NIPBL: variants seen among roughly 807,000 people sequenced by gnomAD.
The protein encoded by NIPBL is nipped-B-like protein.
In NIPBL, 19 loss-of-function variants were observed where a neutral mutation model predicts 321.8. The ratio of observed to expected loss-of-function variants is 0.06; its 90% confidence interval spans 0.04 to 0.09. The LOEUF (loss-of-function observed/expected upper bound fraction) is 0.09, where lower values mean the gene tolerates loss of function less well. Ranked by LOEUF, NIPBL falls within the 10% of genes least tolerant of loss-of-function variation. NIPBL has a pLI of 1.00. For missense variants in NIPBL, 2,210 were observed against 3,327.0 expected, an observed-to-expected ratio of 0.66 and a Z score of 8.26; for synonymous variants, 1,106 against 1,114.1, an observed-to-expected ratio of 0.99 and a Z score of 0.14.
At chr5:36,903,702 G>T (rs1180925133) in intron 1 of NIPBL, among the ~76,000 whole-genome samples, 1 of 152,112 alleles carries the variant, frequency 6.6e-6, no homozygotes, top group African/African-American at 2.4e-5. Flanking sequence ...TGTCTTCTCT[G>T]AATTACTGTC....
chr5:37,052,588 T>C, intron 42 of NIPBL, 22 bp downstream of exon 42: 1 of 1,586,504 alleles, frequency 6.3e-7, no homozygotes, highest in Non-Finnish European at 8.7e-7. Context: ...AACTTATTAT[T>C]TTAAGAAAAT....
chr5:36,957,634 CCTCT>C (rs1741114598), intron 3 of NIPBL, among the ~76,000 whole-genome samples: 1 of 151,880 alleles, frequency 6.6e-6, no homozygotes, highest in African/African-American at 2.4e-5. Context: ...TAGAAGAATC[CCTCT>C]CTGTTATTTT....
intron 2 of NIPBL, chr5:36,955,153 A>C (rs537533063): frequency 3.4e-6 from 1 of 291,832 alleles, no homozygotes; most frequent in Non-Finnish European, 6.6e-6. Context: ...GAGATTAATG[A>C]ATTGCTACAT....
At chr5:36,995,546 T>A (rs1330625420) in intron 10 of NIPBL, 76 bp from the exon 11 acceptor site, 5 of 927,292 alleles carry the variant, frequency 5.4e-6, no homozygotes, top group Non-Finnish European at 8.5e-6. Flanking sequence ...AATATTTTTA[T>A]TATGCTAACT....
intron 34 of NIPBL, among the ~76,000 whole-genome samples, chr5:37,043,668 A>T (rs931842123): frequency 5.9e-5 from 9 of 152,202 alleles, no homozygotes; most frequent in African/African-American, 2.2e-4. Context: ...ACTGCACTCC[A>T]ACCTGGGCAA....
intron 36 of NIPBL, among the ~76,000 whole-genome samples, 184 bp downstream of exon 36, chr5:37,044,913 A>T (rs1752817324): frequency 6.6e-6 from 1 of 152,234 alleles, no homozygotes; most frequent in Admixed American, 6.5e-5. Context: ...CACTGTGATT[A>T]CTTCAGAAAT....
chr5:37,037,175 C>A (rs1751788894), intron 33 of NIPBL, among the ~76,000 whole-genome samples: 1 of 151,340 alleles, frequency 6.6e-6, no homozygotes, highest in Non-Finnish European at 1.5e-5. Context: ...ATCATGAGGT[C>A]AGGAGATTGA....
chr5:36,921,228 A>G (rs1580234498), intron 1 of NIPBL, among the ~76,000 whole-genome samples: 1 of 152,072 alleles, frequency 6.6e-6, no homozygotes. Flanking sequence ...AAAATTACTG[A>G]TATTTCCATG....
At chr5:36,927,882 C>T (rs1258586054) in intron 1 of NIPBL, among the ~76,000 whole-genome samples, 2 of 152,018 alleles carry the variant, frequency 1.3e-5, no homozygotes, top group Non-Finnish European at 2.9e-5. Flanking sequence ...AGACGGGTTT[C>T]GCCATGTTGG....
At chr5:36,954,478 G>A (rs1198953704) in intron 2 of NIPBL, among the ~76,000 whole-genome samples, 2 of 152,176 alleles carry the variant, frequency 1.3e-5, no homozygotes, top group Non-Finnish European at 2.9e-5. Flanking sequence ...GGAGAGTGCT[G>A]TAGGTGATTG....
chr5:36,974,838 G>A (rs1743264926), intron 8 of NIPBL, among the ~76,000 whole-genome samples: 1 of 151,974 alleles, frequency 6.6e-6, no homozygotes, highest in Non-Finnish European at 1.5e-5. Context: ...CTTTTATCTT[G>A]ACCAATTTTT....
intron 38 of NIPBL, among the ~76,000 whole-genome samples, chr5:37,048,153 A>G (rs1753167315): frequency 6.6e-6 from 1 of 152,178 alleles, no homozygotes; most frequent in Non-Finnish European, 1.5e-5. Context: ...CAGAGAGATT[A>G]TGTGACTCAC....
chr5:36,990,944 C>G (rs371167694), intron 10 of NIPBL, among the ~76,000 whole-genome samples: 2 of 151,692 alleles, frequency 1.3e-5, no homozygotes, highest in African/African-American at 4.8e-5. Flanking sequence ...GACCCTGTGC[C>G]TATTTATGAA....
intron 9 of NIPBL, among the ~76,000 whole-genome samples, chr5:36,981,583 A>G (rs941143585): frequency 6.6e-6 from 1 of 151,706 alleles, no homozygotes; most frequent in East Asian, 1.9e-4. Context: ...AATTACATAA[A>G]TTAATTTTAA....
At position 37,065,746 on chromosome 5, in the gene NIPBL, A is replaced by G. The variant is rs1755301155; in HGVS notation, c.*854A>G. 6.6e-6 allele frequency: 1 copy of G among 152,618 alleles called. No homozygotes were observed. The highest frequency in any genetic ancestry group is 1.5e-5 in the Non-Finnish European group (1 of 68,016). 9.5% of individuals were successfully genotyped at this position (152,618 alleles called of 1,614,324 possible). On this transcript the variant is annotated 3_prime_UTR_variant, in exon 47 of 47. Coordinates refer to ENST00000282516, the MANE Select transcript of NIPBL (RefSeq NM_133433.4). ...TTGTATCCTGCAATATTTAGTATTA[A>G]CTATATATGATTTAGCACTGTGCCA...
chr5:37,013,845 G>T (rs1453186646), intron 21 of NIPBL, among the ~76,000 whole-genome samples: 1 of 152,236 alleles, frequency 6.6e-6, no homozygotes, highest in East Asian at 1.9e-4. Context: ...ACTTTGAGAG[G>T]CCAAGGCAGG....
chr5:36,921,959 T>C (rs899966503), intron 1 of NIPBL, among the ~76,000 whole-genome samples: 2 of 151,632 alleles, frequency 1.3e-5, no homozygotes, highest in Admixed American at 1.3e-4. Flanking sequence ...TGATCTCAGC[T>C]CACTGCAACC....
Position 37,007,988 on chromosome 5 carries a change from T to C in NIPBL, c.4240-20T>C, listed in dbSNP as rs373028220. 4.2e-6 allele frequency: 6 copies of C among 1,423,830 alleles called. No individual in the cohort carries two copies. In the African/African-American group the frequency reaches 5.6e-5, roughly 13 times the overall value. The allele number at this position is 1,423,830 out of a possible 1,614,324, so 88.2% of individuals were successfully genotyped here. A position where few individuals can be genotyped will look rare whatever the true frequency, so the allele number is the denominator to read the frequency against. ...AAATCAACTAAAGGTGTATACTACTTACTCTTCTTTTTTAAACAGGTTTCA... is the reference window on the plus strand; with the variant it reads ...AAATCAACTAAAGGTGTATACTACTCACTCTTCTTTTTTAAACAGGTTTCA... On this transcript the variant is annotated intron_variant, in intron 18 of 46. Coordinates refer to ENST00000282516, the MANE Select transcript of NIPBL (RefSeq NM_133433.4).
Position 37,052,717 on chromosome 5 carries a change from ACAGT to A in NIPBL, c.7263+155_7263+158del, listed in dbSNP as rs201546043. The A allele has an allele frequency of 1.4e-3, 971 of 679,296 alleles. 7 individuals are homozygous for A. In the African/African-American group the frequency reaches 0.014, roughly 10 times the overall value. 42.1% of individuals were successfully genotyped at this position (679,296 alleles called of 1,614,324 possible). On this transcript the variant is annotated intron_variant, in intron 42 of 46. Coordinates refer to ENST00000282516, the MANE Select transcript of NIPBL (RefSeq NM_133433.4). ...ATCTTCTAAGTTATTTACAAAGTACACAGTCAGAAGTGAAGGGGAAATTTTGTAT... is the reference window on the plus strand; with the variant it reads ...ATCTTCTAAGTTATTTACAAAGTACACAGAAGTGAAGGGGAAATTTTGTAT...
Sources: gnomAD v4.1 joint callset for allele counts (sites outside exome capture counted in the v4.1 genomes callset) on GRCh38, gnomAD v4.1.1 for gene constraint, MANE v1.5 for transcripts, NCBI Gene and HGNC (gene_info 2026-07-23, HGNC 2026-07-21) for gene names.